TUSC3: variants seen among roughly 807,000 people sequenced by gnomAD.
TUSC3 encodes dolichyl-diphosphooligosaccharide--protein glycosyltransferase subunit TUSC3.
TUSC3 carries 45 observed loss-of-function variants against 44.8 expected under a neutral mutation model. That is an observed-to-expected ratio of 1.00 (90% CI 0.79 to 1.29). TUSC3 has a LOEUF of 1.29. Ranked by LOEUF, TUSC3 falls within the 50% of genes most tolerant of loss-of-function variation. The pLI is 0.00. For missense variants in TUSC3, 519 were observed against 437.9 expected, an observed-to-expected ratio of 1.19 and a Z score of -1.65; for synonymous variants, 212 against 152.9, an observed-to-expected ratio of 1.39 and a Z score of -2.85.
At chr8:15,810,993 G>T in the TUSC3 span, among the ~76,000 whole-genome samples, 11 of 152,110 alleles carry the variant, frequency 7.2e-5, no homozygotes, top group African/African-American at 2.7e-4. Flanking sequence ...ATTCTCCTTA[G>T]ATTACTTCCA....
At chr8:15,791,508 G>C in the TUSC3 span, among the ~76,000 whole-genome samples, 1 of 152,054 alleles carries the variant, frequency 6.6e-6, no homozygotes, top group African/African-American at 2.4e-5. Flanking sequence ...TCCAGTTTCT[G>C]CTTGGATGAC....
Position 15,765,054 on chromosome 8 carries a change from A to T in TUSC3, c.*898A>T, listed in dbSNP as rs916722816. On this transcript the variant is annotated 3_prime_UTR_variant, in exon 11 of 11. Coordinates refer to ENST00000503731, the MANE Select transcript of TUSC3 (RefSeq NM_006765.4). ...TTAATTATCCTAGGATTAGTGAATG[A>T]TTCAATGAAGCTTTCTTGAAAACAA... 3.3e-5 allele frequency: 5 copies of T among 152,056 alleles called. No homozygotes were observed. The highest frequency in any genetic ancestry group is 7.2e-5 in the African/African-American group (3 of 41,452). The allele number at this position is 152,056 out of a possible 1,614,324, so 9.4% of individuals were successfully genotyped here.
chr8:15,720,210 A>ACACACACACACACG (rs1462977282), intron 6 of TUSC3, among the ~76,000 whole-genome samples: 3 of 147,400 alleles, frequency 2.0e-5, no homozygotes, highest in Non-Finnish European at 1.5e-5. Flanking sequence ...ATACACACAC[A>ACACACACACACACG]CACACACACA....
intron 1 of TUSC3, among the ~76,000 whole-genome samples, chr8:15,453,431 T>C (rs1800218338): frequency 6.6e-6 from 1 of 152,242 alleles, no homozygotes; most frequent in African/African-American, 2.4e-5. Context: ...GCCCCTTTTC[T>C]TGTCAGCATC....
At chr8:15,439,111 A>T (rs1401021712) in intron 1 of TUSC3, among the ~76,000 whole-genome samples, 4 of 152,168 alleles carry the variant, frequency 2.6e-5, no homozygotes, top group African/African-American at 9.7e-5. Flanking sequence ...TACATCCATC[A>T]GGGATGAAGC....
chr8:15,652,981 A>G (rs2129176458), intron 3 of TUSC3, among the ~76,000 whole-genome samples: 1 of 152,360 alleles, frequency 6.6e-6, no homozygotes, highest in South Asian at 2.1e-4. Flanking sequence ...AGTGTATTAA[A>G]CATCTTATTT....
chr8:15,724,008 C>T (rs771691674), intron 6 of TUSC3, among the ~76,000 whole-genome samples: 9 of 152,042 alleles, frequency 5.9e-5, no homozygotes, highest in Non-Finnish European at 8.8e-5. Context: ...ACTGTTTGGA[C>T]GTGGGTCTTT....
At chr8:15,460,623 T>C (rs1800332806) in intron 1 of TUSC3, among the ~76,000 whole-genome samples, 1 of 152,100 alleles carries the variant, frequency 6.6e-6, no homozygotes, top group Non-Finnish European at 1.5e-5. Context: ...TCTAGAAGGG[T>C]TTTTCCAATA....
At chr8:15,551,307 A>G (rs1048155834) in intron 1 of TUSC3, among the ~76,000 whole-genome samples, 9 of 151,768 alleles carry the variant, frequency 5.9e-5, no homozygotes, top group Admixed American at 5.3e-4. Flanking sequence ...TATATAAAAT[A>G]TGGTAATAGA....
At chr8:15,498,450 C>G (rs1800912279) in intron 2 of TUSC3, among the ~76,000 whole-genome samples, 2 of 152,122 alleles carry the variant, frequency 1.3e-5, no homozygotes, top group Non-Finnish European at 1.5e-5. Flanking sequence ...CAGGGAAGCA[C>G]CGGAAAACTA....
At chr8:15,819,790 C>T in the TUSC3 span, among the ~76,000 whole-genome samples, 4 of 152,296 alleles carry the variant, frequency 2.6e-5, no homozygotes, top group East Asian at 7.7e-4. Flanking sequence ...ATTCAGAACT[C>T]ACAATGTGGG....
chr8:15,751,408 T>G (rs901297852), intron 9 of TUSC3, among the ~76,000 whole-genome samples: 1 of 152,216 alleles, frequency 6.6e-6, no homozygotes, highest in Admixed American at 6.5e-5. Context: ...GTAATGTCTT[T>G]ATACTGTTCT....
chr8:15,781,856 G>A, the TUSC3 span, among the ~76,000 whole-genome samples: 362 of 152,256 alleles, frequency 2.4e-3, 1 homozygote, highest in African/African-American at 8.0e-3. Flanking sequence ...AAACTGGATG[G>A]GCACGGTGGC....
intron 6 of TUSC3, among the ~76,000 whole-genome samples, chr8:15,692,279 G>C (rs940679598): frequency 7.1e-6 from 1 of 141,054 alleles, no homozygotes; most frequent in African/African-American, 2.6e-5. Context: ...TTGGCCTACT[G>C]TTTTCTTGTT....
chr8:15,826,630 G>A, the TUSC3 span, among the ~76,000 whole-genome samples: 4 of 152,052 alleles, frequency 2.6e-5, no homozygotes, highest in Non-Finnish European at 5.9e-5. Flanking sequence ...AATAAATGAA[G>A]ATAACCCAAA....
chr8:15,612,154 T>A (rs1585152389), intron 1 of TUSC3, among the ~76,000 whole-genome samples: 3 of 152,282 alleles, frequency 2.0e-5, no homozygotes, highest in Admixed American at 2.0e-4. Context: ...GCAAGTTTTA[T>A]TATGGCTATT....
intron 1 of TUSC3, among the ~76,000 whole-genome samples, chr8:15,547,858 C>T (rs1240225197): frequency 6.6e-6 from 1 of 151,678 alleles, no homozygotes; most frequent in Non-Finnish European, 1.5e-5. Flanking sequence ...TTATTTTTCA[C>T]TTTCAAATAT....
intron 1 of TUSC3, among the ~76,000 whole-genome samples, chr8:15,420,413 A>G (rs1050840656): frequency 9.2e-5 from 14 of 151,710 alleles, no homozygotes; most frequent in Admixed American, 6.6e-4. Context: ...CAGGAAAATC[A>G]CTTGAACCTG....
In TUSC3 at chr8:15,485,211, G is replaced by T. The variant is rs528066198; in HGVS notation, n.189+1728G>T. Among the ~76,000 whole-genome samples, 22 of 152,138 alleles carry T rather than the reference G, an allele frequency of 1.4e-4. 1 individual carries two copies. The highest frequency in any genetic ancestry group is 4.1e-4 in the African/African-American group (17 of 41,490). On this transcript the variant is annotated intron_variant and non_coding_transcript_variant, in intron 2 of 5. Coordinates refer to the TUSC3 transcript ENST00000503191. ...AAGGACACCCTCACCAAGTTCCTCT[G>T]GCTGCACTTCTAGTTTTTCAGACAT...
Sources: allele counts gnomAD v4.1 joint callset (sites outside exome capture counted in the v4.1 genomes callset), GRCh38; gene constraint gnomAD v4.1.1; transcripts MANE v1.5; gene names NCBI Gene and HGNC (gene_info 2026-07-23, HGNC 2026-07-21).